The following ENOX1 variants were observed in gnomAD, a reference collection of about 807,000 sequenced individuals.
ENOX1 encodes candidate growth-related and time keeping constitutive hydroquinone (NADH) oxidase.
ENOX1 carries 42 observed loss-of-function variants against 82.5 expected under a neutral mutation model. The observed-to-expected ratio is 0.51, with a 90% CI of 0.40 to 0.66. The LOEUF is 0.66. ENOX1 is among the 30% of genes least tolerant of loss of function. ENOX1 has a pLI of 0.00. For synonymous variants in ENOX1, 271 were observed against 282.2 expected (o/e 0.96, Z 0.40); for missense variants, 608 against 811.6 (o/e 0.75, Z 3.05).
chr13:43,462,163 C>G (rs993379228), intron 3 of ENOX1, among the ~76,000 whole-genome samples: 2 of 152,180 alleles, frequency 1.3e-5, no homozygotes, highest in African/African-American at 2.4e-5. Flanking sequence ...AAATTTAGAA[C>G]ACAAGTCATG....
chr13:43,324,623 T>C (rs2048004075), intron 10 of ENOX1, among the ~76,000 whole-genome samples: 2 of 152,112 alleles, frequency 1.3e-5, no homozygotes, highest in South Asian at 4.1e-4. Context: ...CTAATGTATA[T>C]CAAAAGAGGT....
chr13:43,653,957 A>G (rs2084311693), intron 2 of ENOX1, among the ~76,000 whole-genome samples: 1 of 152,242 alleles, frequency 6.6e-6, no homozygotes, highest in East Asian at 1.9e-4. Context: ...GGGGAAATGA[A>G]GCAAAATGCA....
At chr13:43,725,111 T>C (rs903968910) in intron 1 of ENOX1, among the ~76,000 whole-genome samples, 1 of 152,176 alleles carries the variant, frequency 6.6e-6, no homozygotes, top group African/African-American at 2.4e-5. Context: ...CTCACTTTCC[T>C]TGATTATTAA....
intron 1 of ENOX1, among the ~76,000 whole-genome samples, chr13:43,733,401 A>G (rs1476869288): frequency 6.6e-6 from 1 of 152,162 alleles, no homozygotes; most frequent in Non-Finnish European, 1.5e-5. Context: ...CACACAAAGA[A>G]CTGAAAGATA....
In ENOX1 at chr13:43,702,191, T is replaced by C. The variant is rs183877550; in HGVS notation, c.-284-34647A>G. 6.6e-5 allele frequency among the ~76,000 whole-genome samples: 10 copies of C among 152,378 alleles called. No individual in the cohort carries two copies. In the East Asian group the frequency reaches 1.9e-3, roughly 29 times the overall value. On this transcript the variant is annotated intron_variant, in intron 1 of 16. Coordinates refer to ENST00000690772, the MANE Select transcript of ENOX1 (RefSeq NM_001347969.2). ...ATCAATGGTTCATTTGTACTCTTTT[T>C]AGTGCTCTGAAATATTACTCTCATT... is the stretch of plus-strand genomic sequence containing the variant.
chr13:43,568,691 T>TTG (rs781102510), intron 2 of ENOX1, among the ~76,000 whole-genome samples: 3 of 151,270 alleles, frequency 2.0e-5, no homozygotes, highest in Non-Finnish European at 4.4e-5. Flanking sequence ...CTCCAGAGTT[T>TTG]TTTTTTTTTT....
At chr13:43,484,390 T>G (rs1168458010) in intron 2 of ENOX1, among the ~76,000 whole-genome samples, 1 of 152,188 alleles carries the variant, frequency 6.6e-6, no homozygotes, top group African/African-American at 2.4e-5. Context: ...CTGCTTTTCC[T>G]CTTATCTAGG....
chr13:43,557,691 A>C (rs2079501236), intron 2 of ENOX1, among the ~76,000 whole-genome samples: 1 of 152,172 alleles, frequency 6.6e-6, no homozygotes, highest in African/African-American at 2.4e-5. Flanking sequence ...CCAGCTACTC[A>C]GGAGGCTGAG....
chr13:43,437,655 G>A (rs1318923582), intron 3 of ENOX1, among the ~76,000 whole-genome samples: 2 of 152,134 alleles, frequency 1.3e-5, no homozygotes, highest in Non-Finnish European at 1.5e-5. Context: ...TAAGCAATAC[G>A]CCAAAGAATG....
At chr13:43,410,726 T>C (rs1257954986) in intron 5 of ENOX1, among the ~76,000 whole-genome samples, 1 of 151,970 alleles carries the variant, frequency 6.6e-6, no homozygotes, top group Non-Finnish European at 1.5e-5. Context: ...AAAAAACAAA[T>C]GCTTGGTCAA....
At chr13:43,539,343 A>G (rs2078610659) in intron 2 of ENOX1, among the ~76,000 whole-genome samples, 1 of 152,170 alleles carries the variant, frequency 6.6e-6, no homozygotes, top group South Asian at 2.1e-4. Context: ...CATTAGTTGC[A>G]TTTTATATAT....
chr13:43,510,265 T>C (rs1259410557), intron 2 of ENOX1, among the ~76,000 whole-genome samples: 2 of 152,082 alleles, frequency 1.3e-5, no homozygotes, highest in Non-Finnish European at 2.9e-5. Context: ...CAGCCGGCAC[T>C]CCTATTTCTG....
At chr13:43,541,507 TAAG>T (rs1200688210) in intron 2 of ENOX1, among the ~76,000 whole-genome samples, 5 of 151,972 alleles carry the variant, frequency 3.3e-5, no homozygotes, top group Non-Finnish European at 7.4e-5. Flanking sequence ...TTCTAAAAAA[TAAG>T]AAACAAAAAC....
In ENOX1 at chr13:43,411,204, T is replaced by C. The variant is rs1465594301; in HGVS notation, c.208+712A>G. Among the ~76,000 whole-genome samples the C allele has an allele frequency of 2.0e-5, 3 of 152,328 alleles. No homozygotes were observed. The South Asian group carries it at 6.2e-4, about 32-fold the overall frequency. On this transcript the variant is annotated intron_variant, in intron 5 of 16. Transcript: ENST00000690772. ...GTGTTGGTGTTTTGTTTTGTTTTTT[T>C]CAATTTAGAGAGAAAGGCTCTTCAA...
intron 1 of ENOX1, among the ~76,000 whole-genome samples, chr13:43,777,400 T>G (rs1272028400): frequency 6.6e-6 from 1 of 152,164 alleles, no homozygotes; most frequent in Non-Finnish European, 1.5e-5. Context: ...TACACACACA[T>G]AGTTGTACAA....
At chr13:43,231,860 A>C (rs1187339126) in intron 15 of ENOX1, among the ~76,000 whole-genome samples, 1 of 152,176 alleles carries the variant, frequency 6.6e-6, no homozygotes, top group Non-Finnish European at 1.5e-5. Flanking sequence ...GTTTCTCAAA[A>C]CATAGTACCA....
At chr13:43,265,590 C>CACAT in intron 13 of ENOX1, 136 bp from the exon 14 acceptor site, 1 of 655,180 alleles carries the variant, frequency 1.5e-6, no homozygotes, top group Non-Finnish European at 2.5e-6. Context: ...ACAGATGGAG[C>CACAT]ACATATTTCT....
At chr13:43,428,307 C>G (rs1173195689) in intron 3 of ENOX1, among the ~76,000 whole-genome samples, 1 of 152,138 alleles carries the variant, frequency 6.6e-6, no homozygotes, top group East Asian at 1.9e-4. Context: ...TAGGGTTGAT[C>G]TGTAATCCAA....
intron 1 of ENOX1, among the ~76,000 whole-genome samples, chr13:43,773,535 G>A (rs926702936): frequency 6.6e-6 from 1 of 152,084 alleles, no homozygotes; most frequent in African/African-American, 2.4e-5. Context: ...CAGCCACACT[G>A]GCCTCCTTCT....
Sources: gnomAD v4.1 joint callset for allele counts (sites outside exome capture counted in the v4.1 genomes callset) on GRCh38, gnomAD v4.1.1 for gene constraint, MANE v1.5 for transcripts, NCBI Gene and HGNC (gene_info 2026-07-23, HGNC 2026-07-21) for gene names.